GAREM1: variants seen among roughly 807,000 people sequenced by gnomAD.
GAREM1 encodes GRB2-associated and regulator of MAPK protein 1.
A neutral mutation model predicts 71.3 loss-of-function variants in GAREM1; 26 were observed. The ratio of observed to expected loss-of-function variants is 0.36; its 90% CI spans 0.27 to 0.51. The LOEUF (loss-of-function observed/expected upper bound fraction) is 0.51. Among genes scored for constraint, GAREM1 ranks in the 20% least tolerant of loss-of-function variants. The probability of loss-of-function intolerance (pLI) is 0.95; values close to 1 mark genes in which losing one functional copy is unlikely to be tolerated. For missense variants in GAREM1, 1,026 were observed against 1,103.1 expected, an observed-to-expected ratio of 0.93 and a Z score of 0.99; for synonymous variants, 440 against 433.2, an observed-to-expected ratio of 1.02 and a Z score of -0.20.
intron 1 of GAREM1, among the ~76,000 whole-genome samples, chr18:32,418,818 A>G (rs1306372721): frequency 6.6e-6 from 1 of 152,202 alleles, no homozygotes; most frequent in Non-Finnish European, 1.5e-5. Flanking sequence ...CTAACACTGC[A>G]AGACTCAAGA....
chr18:32,311,570 G>A (rs2047324231), intron 2 of GAREM1, among the ~76,000 whole-genome samples: 1 of 152,300 alleles, frequency 6.6e-6, no homozygotes, highest in South Asian at 2.1e-4. Flanking sequence ...AGACCAATCA[G>A]TATTGCTGAG....
At chr18:32,294,732 G>GT (rs138952595) in intron 3 of GAREM1, among the ~76,000 whole-genome samples, 2,714 of 152,144 alleles carry the variant, frequency 0.018, 45 homozygotes, top group Non-Finnish European at 0.025. Context: ...TTACTGTAAG[G>GT]TTTTTTCTCC....
At position 32,265,575 on chromosome 18, in the gene GAREM1, A is replaced by G. The variant is rs1423160488; in HGVS notation, c.*2296T>C. 2 of 152,236 alleles carry G rather than the reference A, an allele frequency of 1.3e-5. No individual in the cohort carries two copies. Among genetic ancestry groups the G allele is most frequent in the African/African-American group, 2.4e-5 (1 of 41,460 alleles). 9.4% of individuals were successfully genotyped at this position (152,236 alleles called of 1,614,324 possible). On this transcript the variant is annotated 3_prime_UTR_variant, in exon 6 of 6. Transcript: ENST00000269209. ...TACTAGACTGTAGCATAAGTGAATC[A>G]AAGGCCACAGTCCCTGCCCTCAAGG...
intron 2 of GAREM1, among the ~76,000 whole-genome samples, chr18:32,367,410 A>C (rs748485950): frequency 5.3e-5 from 8 of 152,200 alleles, no homozygotes; most frequent in Non-Finnish European, 1.2e-4. Context: ...ACTGAGTCTA[A>C]GACTCAGACA....
intron 2 of GAREM1, among the ~76,000 whole-genome samples, chr18:32,355,539 A>AC (rs1379172730): frequency 6.6e-6 from 1 of 152,304 alleles, no homozygotes; most frequent in African/African-American, 2.4e-5. Context: ...ATGTTTCATC[A>AC]CTAAAAAGAG....
rs542577404 is a variant in GAREM1, at chr18:32,332,281, G to A, written c.263-21958C>T. On this transcript the variant is annotated intron_variant, in intron 2 of 5. Coordinates refer to ENST00000269209, the MANE Select transcript of GAREM1 (RefSeq NM_001242409.2). The stretch of plus-strand genomic sequence containing the variant: ...GCGCATTGTGCTCTGAGCAGCTTGG[G>A]TCTGAGGTCCTGAATGCTGGTGTTC... Among the ~76,000 whole-genome samples, 3 of 151,924 alleles carry A rather than the reference G, an allele frequency of 2.0e-5. No homozygotes were observed. In the East Asian group the frequency reaches 5.8e-4, roughly 30 times the overall value.
intron 1 of GAREM1, among the ~76,000 whole-genome samples, chr18:32,402,867 T>C (rs1212836679): frequency 6.6e-6 from 1 of 152,138 alleles, no homozygotes; most frequent in Admixed American, 6.6e-5. Context: ...ATGAACCATG[T>C]ATCTGTGCTC....
intron 2 of GAREM1, among the ~76,000 whole-genome samples, chr18:32,334,229 C>T (rs946894676): frequency 3.3e-5 from 5 of 152,126 alleles, no homozygotes; most frequent in Non-Finnish European, 7.4e-5. Flanking sequence ...CTTAATCACA[C>T]CCCGAGGGGG....
Position 32,289,137 on chromosome 18 carries a change from AGC to A in GAREM1, c.394-936_394-935del, listed in dbSNP as rs745607841. Among the ~76,000 whole-genome samples the A allele has an allele frequency of 8.5e-5, 13 of 152,270 alleles. No homozygotes were observed. The South Asian group carries it at 2.5e-3, about 29-fold the overall frequency. ...CTTGCTGCCCAGGCTGGAGTGCAGC[AGC>A]ATGATCACAGCTCACTGCAGCCTTG... is the stretch of plus-strand genomic sequence containing the variant. On this transcript the variant is annotated intron_variant, in intron 3 of 5. Coordinates refer to ENST00000269209, the MANE Select transcript of GAREM1 (RefSeq NM_001242409.2).
At chr18:32,394,549 G>A (rs770466894) in intron 1 of GAREM1, among the ~76,000 whole-genome samples, 2 of 152,156 alleles carry the variant, frequency 1.3e-5, no homozygotes, top group Non-Finnish European at 2.9e-5. Context: ...TTAGCAGAAG[G>A]GGGAGAATCC....
chr18:32,359,016 A>G (rs1413554984), intron 2 of GAREM1, among the ~76,000 whole-genome samples: 1 of 152,226 alleles, frequency 6.6e-6, no homozygotes, highest in Non-Finnish European at 1.5e-5. Context: ...AGAACCCGTC[A>G]GCCATCCTCA....
At chr18:32,401,680 G>A (rs1036413438) in intron 1 of GAREM1, among the ~76,000 whole-genome samples, 3 of 152,176 alleles carry the variant, frequency 2.0e-5, no homozygotes, top group Non-Finnish European at 4.4e-5. Flanking sequence ...TTGGAGAAGA[G>A]AGAAACCAGA....
intron 1 of GAREM1, among the ~76,000 whole-genome samples, chr18:32,399,528 A>C (rs1217765280): frequency 6.6e-6 from 1 of 152,222 alleles, no homozygotes; most frequent in South Asian, 2.1e-4. Context: ...TACAACAGTA[A>C]CAGACAAACA....
intron 1 of GAREM1, among the ~76,000 whole-genome samples, chr18:32,467,720 A>G (rs1229293192): frequency 6.6e-6 from 1 of 152,160 alleles, no homozygotes; most frequent in Non-Finnish European, 1.5e-5. Flanking sequence ...TAGTCTCTTT[A>G]AAAACAAGTG....
chr18:32,389,043 T>A (rs1431717431), intron 2 of GAREM1, among the ~76,000 whole-genome samples: 1 of 152,166 alleles, frequency 6.6e-6, no homozygotes, highest in Non-Finnish European at 1.5e-5. Flanking sequence ...TTTGTCTGTA[T>A]TTGTATGTGC....
At chr18:32,463,210 TTG>T in intron 1 of GAREM1, among the ~76,000 whole-genome samples, 1 of 152,202 alleles carries the variant, frequency 6.6e-6, no homozygotes, top group African/African-American at 2.4e-5. Flanking sequence ...AATATAATGA[TTG>T]TGTCAATTAA....
At chr18:32,452,092 T>C (rs183159116) in intron 1 of GAREM1, among the ~76,000 whole-genome samples, 1 of 152,306 alleles carries the variant, frequency 6.6e-6, no homozygotes, top group Admixed American at 6.5e-5. Context: ...GAGGTCATCA[T>C]TAGCTAGCCA....
chr18:32,409,043 G>T (rs571061504), intron 1 of GAREM1, among the ~76,000 whole-genome samples: 1 of 152,074 alleles, frequency 6.6e-6, no homozygotes, highest in Non-Finnish European at 1.5e-5. Flanking sequence ...CGTACACCAC[G>T]AAACAAGCAG....
intron 2 of GAREM1, among the ~76,000 whole-genome samples, chr18:32,326,817 G>A (rs916085999): frequency 1.3e-5 from 2 of 152,188 alleles, no homozygotes; most frequent in Non-Finnish European, 2.9e-5. Context: ...GTGCCTTTCA[G>A]GTTTTGACCC....
Sources: gnomAD v4.1 joint callset for allele counts (sites outside exome capture counted in the v4.1 genomes callset) on GRCh38, gnomAD v4.1.1 for gene constraint, MANE v1.5 for transcripts, NCBI Gene and HGNC (gene_info 2026-07-23, HGNC 2026-07-21) for gene names.